Variants in SPATS2 observed in about 807,000 individuals in gnomAD.
SPATS2 encodes the protein spermatogenesis-associated serine-rich protein 2.
In SPATS2, 38 loss-of-function variants were observed where a neutral mutation model predicts 63.7. That is an observed-to-expected ratio of 0.60 (90% confidence interval 0.46 to 0.78). SPATS2 has a LOEUF of 0.78. SPATS2 is among the 30% of genes least tolerant of loss of function. The pLI is 0.00. For synonymous variants in SPATS2, 207 were observed against 232.9 expected, an observed-to-expected ratio of 0.89 and a Z score of 1.01; for missense variants, 588 against 666.2, an observed-to-expected ratio of 0.88 and a Z score of 1.29.
intron 2 of SPATS2, among the ~76,000 whole-genome samples, chr12:49,457,307 G>A (rs1267838959): frequency 6.6e-6 from 1 of 152,028 alleles, no homozygotes; most frequent in Non-Finnish European, 1.5e-5. Context: ...CATGTTATAT[G>A]TGGATAGCTC....
At chr12:49,405,817 G>A (rs58095611) in intron 2 of SPATS2, among the ~76,000 whole-genome samples, 36,080 of 152,056 alleles carry the variant, frequency 0.24, 5,407 homozygotes, top group African/African-American at 0.42. Flanking sequence ...GACGACTTTC[G>A]TGTATATAAT....
chr12:49,440,276 T>C (rs896999928), intron 2 of SPATS2, among the ~76,000 whole-genome samples: 3 of 152,172 alleles, frequency 2.0e-5, no homozygotes, highest in Non-Finnish European at 4.4e-5. Context: ...ACTGAAATGT[T>C]GATATAATAG....
At chr12:49,402,008 G>A (rs186888350) in intron 2 of SPATS2, among the ~76,000 whole-genome samples, 42 of 151,432 alleles carry the variant, frequency 2.8e-4, no homozygotes, top group African/African-American at 8.5e-4. Context: ...ACAGGGTCTC[G>A]CTCTGTCGCC....
At chr12:49,407,209 G>T (rs1944712373) in intron 2 of SPATS2, among the ~76,000 whole-genome samples, 1 of 152,036 alleles carries the variant, frequency 6.6e-6, no homozygotes, top group Admixed American at 6.6e-5. Context: ...CTCTTTCCTG[G>T]ATTGTTGCAT....
At chr12:49,373,728 C>A (rs138946603) in intron 2 of SPATS2, among the ~76,000 whole-genome samples, 112 of 152,248 alleles carry the variant, frequency 7.4e-4, no homozygotes, top group African/African-American at 2.3e-3. Context: ...AGTTCTAGAC[C>A]TGCCTGGTCA....
At chr12:49,412,796 T>C (rs1421104962) in intron 2 of SPATS2, among the ~76,000 whole-genome samples, 1 of 151,994 alleles carries the variant, frequency 6.6e-6, no homozygotes, top group Non-Finnish European at 1.5e-5. Flanking sequence ...GATAATAATA[T>C]TTAAAGTTAG....
intron 2 of SPATS2, among the ~76,000 whole-genome samples, chr12:49,392,977 A>G (rs1280335626): frequency 1.3e-5 from 2 of 151,940 alleles, no homozygotes; most frequent in Admixed American, 1.3e-4. Flanking sequence ...GCTTGAACCC[A>G]GGGGGCGGAG....
chr12:49,496,583 C>T (rs1441042554), intron 7 of SPATS2, among the ~76,000 whole-genome samples: 1 of 152,218 alleles, frequency 6.6e-6, no homozygotes, highest in Non-Finnish European at 1.5e-5. Context: ...ATTGAGCTCC[C>T]TATCTAAAGA....
chr12:49,485,732 A>G (rs913317274), intron 4 of SPATS2, among the ~76,000 whole-genome samples: 1 of 151,558 alleles, frequency 6.6e-6, no homozygotes, highest in Non-Finnish European at 1.5e-5. Context: ...TGTACTGAGA[A>G]AAACATAAAA....
At chr12:49,432,791 A>T (rs752057862) in intron 2 of SPATS2, among the ~76,000 whole-genome samples, 1 of 152,116 alleles carries the variant, frequency 6.6e-6, no homozygotes, top group Non-Finnish European at 1.5e-5. Context: ...ATTCTCTTGT[A>T]TGTATATACC....
intron 2 of SPATS2, among the ~76,000 whole-genome samples, chr12:49,402,399 TAG>T (rs2137305212): frequency 1.3e-5 from 2 of 152,256 alleles, no homozygotes; most frequent in Middle Eastern, 3.4e-3. Flanking sequence ...AAAGGATTTT[TAG>T]AGTTAGGGTG....
chr12:49,396,014 TG>T (rs756540308), intron 2 of SPATS2, among the ~76,000 whole-genome samples: 3 of 152,268 alleles, frequency 2.0e-5, no homozygotes, highest in Non-Finnish European at 4.4e-5. Context: ...TTATTTGTCC[TG>T]TGACTGGCTT....
At chr12:49,428,171 C>T (rs567135446) in intron 2 of SPATS2, among the ~76,000 whole-genome samples, 2 of 152,070 alleles carry the variant, frequency 1.3e-5, no homozygotes, top group Admixed American at 1.3e-4. Flanking sequence ...AGGAGAATGG[C>T]GTGAACCCAG....
chr12:49,424,526 T>C (rs1945038864), intron 2 of SPATS2, among the ~76,000 whole-genome samples: 1 of 152,212 alleles, frequency 6.6e-6, no homozygotes, highest in African/African-American at 2.4e-5. Context: ...TAGTAGATTG[T>C]ATTAGTTTGC....
intron 3 of SPATS2, among the ~76,000 whole-genome samples, chr12:49,480,567 A>G (rs994798214): frequency 1.3e-5 from 2 of 152,158 alleles, no homozygotes; most frequent in Non-Finnish European, 2.9e-5. Context: ...GTGTATCTCA[A>G]CGCCTACAGC....
At chr12:49,497,825 G>T (rs1304588567) in intron 8 of SPATS2, among the ~76,000 whole-genome samples, 1 of 151,796 alleles carries the variant, frequency 6.6e-6, no homozygotes, top group Non-Finnish European at 1.5e-5. Flanking sequence ...GCGTTGACTG[G>T]TGATAGCTCT....
At chr12:49,466,817 C>T (rs1293078611) in intron 3 of SPATS2, among the ~76,000 whole-genome samples, 2 of 152,110 alleles carry the variant, frequency 1.3e-5, no homozygotes, top group African/African-American at 2.4e-5. Context: ...ATCAGATTGT[C>T]AGTTCTTACA....
At chr12:49,450,605 G>A (rs543471441) in intron 2 of SPATS2, among the ~76,000 whole-genome samples, 10 of 152,058 alleles carry the variant, frequency 6.6e-5, no homozygotes, top group Middle Eastern at 3.4e-3. Flanking sequence ...GCGCAATGGC[G>A]TGATCTTGGC....
In SPATS2 at chr12:49,459,750, C is replaced by T. The variant is rs964393078; in HGVS notation, c.-243-1020C>T. ...GTTTCTCATTTCACGTCCCCCCCCCCCCCCATATTTTTTATAGCTATATTT... is the reference window on the plus strand; with the variant it reads ...GTTTCTCATTTCACGTCCCCCCCCCTCCCCATATTTTTTATAGCTATATTT... On this transcript the variant is annotated intron_variant, in intron 2 of 13. Transcript: ENST00000552918. 2.5e-3 allele frequency among the ~76,000 whole-genome samples: 322 copies of T among 127,896 alleles called. 32 individuals carry two copies. The highest frequency in any genetic ancestry group is 9.5e-3 in the African/African-American group (304 of 31,966). 83.9% of individuals were successfully genotyped at this position (127,896 alleles called of 152,430 possible).
Sources: gnomAD v4.1 joint callset for allele counts (sites outside exome capture counted in the v4.1 genomes callset) on GRCh38, gnomAD v4.1.1 for gene constraint, MANE v1.5 for transcripts, NCBI Gene and HGNC (gene_info 2026-07-23, HGNC 2026-07-21) for gene names.